PDE1C: variants seen among roughly 807,000 people sequenced by gnomAD.
The protein encoded by PDE1C is dual specificity calcium/calmodulin-dependent 3',5'-cyclic nucleotide phosphodiesterase 1C.
Under a neutral mutation model 93.1 loss-of-function variants are expected in PDE1C, and 62 were observed. That is an observed-to-expected ratio of 0.67 (90% confidence interval 0.54 to 0.82). The LOEUF is 0.82. Among genes scored for constraint, PDE1C ranks in the 40% least tolerant of loss-of-function variants. The pLI is 0.00. For missense variants in PDE1C, 742 were observed against 884.6 expected, an observed-to-expected ratio of 0.84 and a Z score of 2.04; for synonymous variants, 325 against 310.1, an observed-to-expected ratio of 1.05 and a Z score of -0.50.
At chr7:32,079,271 C>T (rs183303924) in intron 3 of PDE1C, among the ~76,000 whole-genome samples, 1 of 152,242 alleles carries the variant, frequency 6.6e-6, no homozygotes, top group East Asian at 1.9e-4. Context: ...CAGTTTTGCA[C>T]CATGGATCTT....
the PDE1C span, among the ~76,000 whole-genome samples, chr7:31,683,469 A>G: frequency 1.3e-5 from 2 of 152,078 alleles, no homozygotes; most frequent in Admixed American, 6.5e-5. Context: ...AGATTTTCTT[A>G]TAGATTAAAG....
At chr7:32,278,705 A>G (rs1223266166) in intron 1 of PDE1C, among the ~76,000 whole-genome samples, 1 of 152,208 alleles carries the variant, frequency 6.6e-6, no homozygotes, top group African/African-American at 2.4e-5. Context: ...GAAGAAGAAA[A>G]AAGTTATGAT....
At chr7:31,921,396 C>T (rs867542310) in intron 2 of PDE1C, among the ~76,000 whole-genome samples, 26 of 152,204 alleles carry the variant, frequency 1.7e-4, no homozygotes, top group Middle Eastern at 3.4e-3. Context: ...GTAAATGATG[C>T]GATCCTAAGG....
At chr7:32,379,908 A>G (rs1784502631) in intron 1 of PDE1C, among the ~76,000 whole-genome samples, 1 of 152,166 alleles carries the variant, frequency 6.6e-6, no homozygotes, top group Admixed American at 6.5e-5. Flanking sequence ...CAGTGTTGCC[A>G]GGACTCCTCT....
At chr7:32,154,337 GCCTTTTTTAA>G (rs1452809344) in intron 3 of PDE1C, among the ~76,000 whole-genome samples, 1 of 152,040 alleles carries the variant, frequency 6.6e-6, no homozygotes, top group African/African-American at 2.4e-5. Flanking sequence ...TACACTAAAT[GCCTTTTTTAA>G]CCTTTTATTT....
intron 2 of PDE1C, among the ~76,000 whole-genome samples, chr7:32,186,093 T>A (rs1339508425): frequency 1.6e-4 from 5 of 31,654 alleles, no homozygotes; most frequent in African/African-American, 6.5e-4. Context: ...TTTTGTTTTT[T>A]TTTTTTTTTT....
rs150245670 is a variant in PDE1C at position 32,112,804 on chromosome 7, ATG to A, written c.308+56979_308+56980del. 1.9e-3 allele frequency among the ~76,000 whole-genome samples: 129 copies of A among 66,728 alleles called. 2 individuals carry two copies. The highest frequency in any genetic ancestry group is 4.4e-3 in the African/African-American group (95 of 21,386). The allele number at this position is 66,728 out of a possible 152,430, so 43.8% of individuals were successfully genotyped here. A position where few individuals can be genotyped will look rare whatever the true frequency, so the allele number is the denominator to read the frequency against. On this transcript the variant is annotated intron_variant, in intron 3 of 18. Transcript: ENST00000396193. ...ACATATAAAACATATATATACATAT[ATG>A]TGTGTGTGTGTGTGTGTGTGTGTGT...
intron 2 of PDE1C, among the ~76,000 whole-genome samples, chr7:31,932,022 A>G (rs1804377774): frequency 6.6e-6 from 1 of 152,218 alleles, no homozygotes; most frequent in Admixed American, 6.5e-5. Context: ...ATATGCAGAA[A>G]ACTGAAACTG....
chr7:32,319,481 G>A (rs1783243257), intron 1 of PDE1C, among the ~76,000 whole-genome samples: 1 of 152,172 alleles, frequency 6.6e-6, no homozygotes, highest in African/African-American at 2.4e-5. Context: ...AAAGTTAGGG[G>A]ATCTCCCCCA....
intron 1 of PDE1C, among the ~76,000 whole-genome samples, chr7:32,223,324 T>C (rs1293406027): frequency 6.6e-6 from 1 of 152,200 alleles, no homozygotes; most frequent in Admixed American, 6.5e-5. Context: ...ATGTGCAAAC[T>C]CATGCAGTCT....
intron 2 of PDE1C, among the ~76,000 whole-genome samples, chr7:31,898,020 TTGTG>T (rs140101637): frequency 0.035 from 5,179 of 145,974 alleles, 245 homozygotes; most frequent in African/African-American, 0.12. Flanking sequence ...TTTGGTTTCT[TTGTG>T]TGTGTGTGTG....
intron 1 of PDE1C, among the ~76,000 whole-genome samples, chr7:32,220,865 C>T (rs564701375): frequency 2.2e-4 from 34 of 152,224 alleles, no homozygotes; most frequent in Admixed American, 3.9e-4. Context: ...TTCCACATAT[C>T]ATGCATGGAT....
intron 1 of PDE1C, among the ~76,000 whole-genome samples, chr7:32,289,788 G>A (rs1195575399): frequency 6.6e-6 from 1 of 152,126 alleles, no homozygotes; most frequent in East Asian, 1.9e-4. Flanking sequence ...AGTCCAGAAG[G>A]GGTTTCTTCT....
intron 3 of PDE1C, among the ~76,000 whole-genome samples, chr7:32,086,017 G>T (rs1328352671): frequency 1.3e-5 from 2 of 151,816 alleles, no homozygotes; most frequent in African/African-American, 4.8e-5. Flanking sequence ...AATCAGGCAG[G>T]AGAAGGAAAT....
chr7:32,135,471 A>G lies in PDE1C; in HGVS notation c.308+34314T>C, dbSNP rs370835633. 2.6e-5 allele frequency among the ~76,000 whole-genome samples: 4 copies of G among 152,346 alleles called. No homozygotes were observed. The South Asian group carries it at 6.2e-4, about 24-fold the overall frequency. On this transcript the variant is annotated intron_variant, in intron 3 of 18. Coordinates refer to the PDE1C transcript ENST00000396193. ...TGTTCAAATGGCAAAGGACCTGAATAGGCATTTTTCCAAAGAAGATATACA... is the reference window on the plus strand; with the variant it reads ...TGTTCAAATGGCAAAGGACCTGAATGGGCATTTTTCCAAAGAAGATATACA...
intron 1 of PDE1C, among the ~76,000 whole-genome samples, chr7:32,382,115 A>G (rs1014716079): frequency 6.6e-6 from 1 of 152,178 alleles, no homozygotes; most frequent in Non-Finnish European, 1.5e-5. Flanking sequence ...AGATGGCAGA[A>G]CCAGGATTTG....
chr7:32,169,628 C>T (rs1802520565), intron 3 of PDE1C, among the ~76,000 whole-genome samples: 1 of 152,162 alleles, frequency 6.6e-6, no homozygotes. Context: ...GCCAGAAGTC[C>T]AGCTAGCATT....
At chr7:31,794,699 A>G (rs1353418849) in intron 16 of PDE1C, among the ~76,000 whole-genome samples, 3 of 151,982 alleles carry the variant, frequency 2.0e-5, no homozygotes, top group African/African-American at 7.2e-5. Context: ...TCCTCTGATG[A>G]TAAGTCAACA....
intron 2 of PDE1C, among the ~76,000 whole-genome samples, chr7:32,000,043 G>A (rs1785261528): frequency 6.6e-6 from 1 of 152,168 alleles, no homozygotes; most frequent in Non-Finnish European, 1.5e-5. Flanking sequence ...GCCCCTCTGA[G>A]CTCCCATGTT....
Sources: gnomAD v4.1 joint callset for allele counts (sites outside exome capture counted in the v4.1 genomes callset) on GRCh38, gnomAD v4.1.1 for gene constraint, MANE v1.5 for transcripts, NCBI Gene and HGNC (gene_info 2026-07-23, HGNC 2026-07-21) for gene names.